Variants in TMPRSS13 observed in about 807,000 individuals in gnomAD.
The protein encoded by TMPRSS13 is transmembrane serine protease 13.
TMPRSS13 carries 50 observed loss-of-function variants against 68.4 expected under a neutral mutation model. That is an observed-to-expected ratio of 0.73 (90% confidence interval 0.58 to 0.93). The LOEUF (loss-of-function observed/expected upper bound fraction) is 0.93. Ranked by LOEUF, TMPRSS13 falls within the 40% of genes least tolerant of loss-of-function variation. The pLI is 0.00. For missense variants in TMPRSS13, 615 were observed against 729.2 expected, an observed-to-expected ratio of 0.84 and a Z score of 1.80; for synonymous variants, 267 against 285.8, an observed-to-expected ratio of 0.93 and a Z score of 0.66.
rs912244888 is a variant in TMPRSS13, at chr11:117,922,242, T to C, written c.22-3404A>G. Among the ~76,000 whole-genome samples, 5 of 152,112 alleles carry C rather than the reference T, an allele frequency of 3.3e-5. No individual in the cohort carries two copies. Among genetic ancestry groups the C allele is most frequent in the Non-Finnish European group, 5.9e-5 (4 of 68,018 alleles). On this transcript the variant is annotated intron_variant, in intron 1 of 12. Transcript: ENST00000524993. This position sits in a 1 kb window ranked among gnomAD's most constrained non-coding sequence, Gnocchi z 4.2. ...GAGGAGACTACTTGTTTGTTTGTTG[T>C]TTGTTTGCTTTGAGACAGAGTCTCA...
At chr11:117,927,306 T>C (rs2134935953) in intron 1 of TMPRSS13, among the ~76,000 whole-genome samples, 1 of 152,362 alleles carries the variant, frequency 6.6e-6, no homozygotes, top group Non-Finnish European at 1.5e-5. Flanking sequence ...AATTAAACTC[T>C]GTTAAATTTA....
At chr11:117,909,770 G>A in intron 8 of TMPRSS13, 36 bp downstream of exon 8, 1 of 1,591,506 alleles carries the variant, frequency 6.3e-7, no homozygotes, top group Non-Finnish European at 8.5e-7. Context: ...TCCCGACCCT[G>A]GGCAGTGTCA....
At chr11:117,919,255 A>G (rs1049255548) in intron 1 of TMPRSS13, among the ~76,000 whole-genome samples, 9 of 152,166 alleles carry the variant, frequency 5.9e-5, no homozygotes, top group African/African-American at 1.2e-4. Flanking sequence ...CTTCCCTTCC[A>G]CCTCCTACAT....
chr11:117,903,872 G>T (rs2057435123), intron 11 of TMPRSS13, 65 bp from the exon 12 acceptor site: 23 of 1,596,152 alleles, frequency 1.4e-5, no homozygotes, highest in Non-Finnish European at 1.6e-5. Context: ...AAAGGGTGGG[G>T]TCCCAATTCC....
chr11:117,924,193 A>AAAGAC (rs2057677888), intron 1 of TMPRSS13, among the ~76,000 whole-genome samples: 1 of 151,902 alleles, frequency 6.6e-6, no homozygotes, highest in East Asian at 1.9e-4. Flanking sequence ...AAAGAAAAGA[A>AAAGAC]AAGAAAAGAA....
rs1375143209 is a variant in TMPRSS13 at position 117,903,646 on chromosome 11, G to C, written c.1677+9C>G. On this transcript the variant is annotated intron_variant, in intron 12 of 12. Coordinates refer to ENST00000524993, the MANE Select transcript of TMPRSS13 (RefSeq NM_001077263.3). ...TGCTGGGTGCAGTGTCCTGCTGCAGGGATCTTACCTCCATCTTGCTGTAAA... is the reference window on the plus strand; with the variant it reads ...TGCTGGGTGCAGTGTCCTGCTGCAGCGATCTTACCTCCATCTTGCTGTAAA... 5.0e-6 allele frequency: 8 copies of C among 1,614,048 alleles called. No individual in the cohort carries two copies. Among genetic ancestry groups the C allele is most frequent in the Non-Finnish European group, 6.8e-6 (8 of 1,180,038 alleles).
chr11:117,902,468 C>A (rs927989780), intron 12 of TMPRSS13, among the ~76,000 whole-genome samples: 1 of 152,224 alleles, frequency 6.6e-6, no homozygotes, highest in Non-Finnish European at 1.5e-5. Flanking sequence ...TTCTGCTCCC[C>A]CTATCTGAGC....
chr11:117,925,206 T>C (rs1236224100), intron 1 of TMPRSS13, among the ~76,000 whole-genome samples: 1 of 152,166 alleles, frequency 6.6e-6, no homozygotes, highest in African/African-American at 2.4e-5. Flanking sequence ...GACCGACCTT[T>C]CAGTTTCATA....
rs1034408515 is a variant in TMPRSS13, at chr11:117,903,959, C to T, written c.1524G>A (p.Gln508=). The T allele has an allele frequency of 1.2e-6, 2 of 1,611,262 alleles. No homozygotes were observed. Among genetic ancestry groups the T allele is most frequent in the East Asian group, 2.2e-5 (1 of 44,736 alleles). ...GDLRGGRDSC[Q]GDSGGPLVCE... is the part of the protein sequence containing the mutation. ...GAGCCCCACCCACAGGTACCCTCACCTGGCAGGAGTCTCTGCCCCCACGAA... is the reference window on the plus strand; with the variant it reads ...GAGCCCCACCCACAGGTACCCTCACTTGGCAGGAGTCTCTGCCCCCACGAA... Residue 508 remains glutamine, a splice_region_variant and synonymous_variant, in exon 11 of 13, where the codon CAG becomes CAA. Coordinates refer to ENST00000524993, the MANE Select transcript of TMPRSS13 (RefSeq NM_001077263.3).
At chr11:117,919,108 G>A (rs1254764860) in intron 1 of TMPRSS13, among the ~76,000 whole-genome samples, 1 of 152,202 alleles carries the variant, frequency 6.6e-6, no homozygotes. Flanking sequence ...GTGCCCGGGG[G>A]TTGGGGGTCA....
In TMPRSS13 at chr11:117,918,488, T is replaced by G; in HGVS notation, c.372A>C (p.Ala124=). ...TSPTRVYLVR[A]TPVGAVPIRS... Reference sequence around the variant, plus strand: ...GGATGGGTACAGCCCCCACTGGTGTTGCTCTAACAAGGTACACTCTGGTTG... The same window carrying G: ...GGATGGGTACAGCCCCCACTGGTGTGGCTCTAACAAGGTACACTCTGGTTG... Residue 124 remains alanine, a synonymous_variant, in exon 2 of 13, where the codon GCA becomes GCC. Transcript: ENST00000524993. 6.2e-7 allele frequency: 1 copy of G among 1,614,246 alleles called. No individual in the cohort carries two copies. Among genetic ancestry groups the G allele is most frequent in the Non-Finnish European group, 8.5e-7 (1 of 1,180,046 alleles).
intron 9 of TMPRSS13, 119 bp from the exon 10 acceptor site, chr11:117,905,855 G>C (rs992733704): frequency 1.3e-5 from 9 of 667,220 alleles, no homozygotes; most frequent in Admixed American, 2.4e-5. Flanking sequence ...ATTAATCCTT[G>C]ACTCTAGAGT....
At chr11:117,928,424 A>G (rs1185634366) in intron 1 of TMPRSS13, among the ~76,000 whole-genome samples, 2 of 152,248 alleles carry the variant, frequency 1.3e-5, no homozygotes, top group African/African-American at 4.8e-5. Context: ...GCCAAAACAT[A>G]GGATGAGCTG....
At chr11:117,902,981 T>C (rs558271012) in intron 12 of TMPRSS13, 65 of 1,020,232 alleles carry the variant, frequency 6.4e-5, no homozygotes, top group Non-Finnish European at 7.6e-5. Flanking sequence ...GTGGTTCAGT[T>C]TGACCTGAGC....
At chr11:117,913,429 G>A (rs928698259) in intron 5 of TMPRSS13, among the ~76,000 whole-genome samples, 4 of 152,182 alleles carry the variant, frequency 2.6e-5, no homozygotes, top group African/African-American at 9.7e-5. Context: ...CCAGATATAA[G>A]AAGAAAAGAT....
Position 117,929,381 on chromosome 11 carries a change from AG to A in TMPRSS13, c.-75del. ...GATCCATCTTGGTCCCTGGCTTCTC[AG>A]GCATGTAGGGTAAAGGAGTTGGAGG... On this transcript the variant is annotated 5_prime_UTR_variant, in exon 1 of 13. The change abolishes the stop of an existing upstream ORF in the 5' untranslated region. Coordinates refer to ENST00000524993, the MANE Select transcript of TMPRSS13 (RefSeq NM_001077263.3). 2.8e-6 allele frequency: 4 copies of A among 1,453,742 alleles called. No individual in the cohort carries two copies. The highest frequency in any genetic ancestry group is 1.8e-4 in the Middle Eastern group (1 of 5,686). 90.1% of individuals were successfully genotyped at this position (1,453,742 alleles called of 1,614,324 possible).
At chr11:117,910,916 C>T (rs992070306) in intron 6 of TMPRSS13, among the ~76,000 whole-genome samples, 166 bp from the exon 7 acceptor site, 2 of 152,172 alleles carry the variant, frequency 1.3e-5, no homozygotes, top group Non-Finnish European at 2.9e-5. Flanking sequence ...TGACATTGTC[C>T]CTTCCAGTGC....
At chr11:117,923,930 G>C (rs927733899) in intron 1 of TMPRSS13, among the ~76,000 whole-genome samples, 1 of 151,288 alleles carries the variant, frequency 6.6e-6, no homozygotes, top group African/African-American at 2.4e-5. Context: ...GGGTGCATCA[G>C]GGCCCGTTTC....
Position 117,914,450 on chromosome 11 carries a change from G to C in TMPRSS13, c.621C>G (p.His207Gln), listed in dbSNP as rs1198073770. 1 of 1,614,028 alleles carries C rather than the reference G, an allele frequency of 6.2e-7. No individual in the cohort carries two copies. The part of the protein sequence containing the change: ...YKEQRESCPK[H>Q]AVRCDGVVDC... The stretch of plus-strand genomic sequence containing the variant: ...CCACCACCCCGTCACAGCGAACAGC[G>C]TGCTTGGGACAGCTCTCCCTCTGCT... Residue 207 changes from histidine (H) to glutamine (Q), a missense_variant, in exon 4 of 13, where the codon CAC (histidine) becomes CAG (glutamine). By Grantham distance (24) the His-to-Gln change is conservative. Coordinates refer to ENST00000524993, the MANE Select transcript of TMPRSS13 (RefSeq NM_001077263.3). This position sits in a 1 kb window ranked among gnomAD's most constrained non-coding sequence, Gnocchi z 4.2.
Sources: allele counts gnomAD v4.1 joint callset (sites outside exome capture counted in the v4.1 genomes callset), GRCh38; gene constraint gnomAD v4.1.1; non-coding constraint Gnocchi (gnomAD v3.1); transcripts MANE v1.5; gene names NCBI Gene and HGNC (gene_info 2026-07-23, HGNC 2026-07-21).